LEMD3: variants seen among roughly 807,000 people sequenced by gnomAD.
LEMD3 encodes the protein inner nuclear membrane protein Man1.
In LEMD3, 33 loss-of-function variants were observed where a neutral mutation model predicts 95.2. The observed-to-expected ratio is 0.35, with a 90% confidence interval of 0.26 to 0.46. LEMD3 has a LOEUF of 0.46. Among genes scored for constraint, LEMD3 ranks in the 20% least tolerant of loss-of-function variants. LEMD3 has a pLI of 1.00. For missense variants in LEMD3, 1,210 were observed against 1,192.8 expected, an observed-to-expected ratio of 1.01 and a Z score of -0.21; for synonymous variants, 525 against 474.6, an observed-to-expected ratio of 1.11 and a Z score of -1.38.
chr12:65,213,075 A>G (rs1312021616), intron 2 of LEMD3, among the ~76,000 whole-genome samples: 1 of 148,250 alleles, frequency 6.7e-6, no homozygotes, highest in East Asian at 1.9e-4. Flanking sequence ...TGAGTGACAG[A>G]GCAAGACTGT....
At chr12:65,206,039 C>T (rs76944680) in intron 1 of LEMD3, among the ~76,000 whole-genome samples, 2,702 of 152,202 alleles carry the variant, frequency 0.018, 66 homozygotes, top group Non-Finnish European at 0.022. Context: ...GCCTTGTTCA[C>T]CCTGTCCATT....
chr12:65,212,426 A>G (rs920300918), intron 2 of LEMD3, among the ~76,000 whole-genome samples: 5 of 151,554 alleles, frequency 3.3e-5, no homozygotes, highest in African/African-American at 9.7e-5. Flanking sequence ...AGTCCCAGCT[A>G]CTCGGGAGGC....
chr12:65,213,200 A>G (rs1869997143), intron 2 of LEMD3, among the ~76,000 whole-genome samples: 1 of 152,130 alleles, frequency 6.6e-6, no homozygotes, highest in African/African-American at 2.4e-5. Context: ...CTTCTAGTAT[A>G]TAGACGGTCA....
In LEMD3 at chr12:65,243,487, G is replaced by A. The variant is rs1870995899; in HGVS notation, c.2387+18G>A. 1.5e-6 allele frequency: 2 copies of A among 1,373,650 alleles called. No homozygotes were observed. Among genetic ancestry groups the A allele is most frequent in the Admixed American group, 1.7e-5 (1 of 59,706 alleles). 85.1% of individuals were successfully genotyped at this position (1,373,650 alleles called of 1,614,324 possible). A position where few individuals can be genotyped will look rare whatever the true frequency, so the allele number is the denominator to read the frequency against. On this transcript the variant is annotated intron_variant, in intron 10 of 12. Transcript: ENST00000308330. ...CCCGTTATGTAAGTATTATGATCAG[G>A]GGTACATGTAACTCTTATTCTGAAT...
In LEMD3 at chr12:65,170,785, G is replaced by T; in HGVS notation, c.1189G>T (p.Ala397Ser). Residue 397 changes from alanine to serine, a missense_variant, in exon 1 of 13, where the codon GCC becomes TCC. By Grantham distance (99) the Ala-to-Ser change is moderately conservative (BLOSUM62 1). This residue lies in a region of LEMD3 where 749 missense variants were observed against 622.9 expected (regional missense o/e 1.20). Transcript: ENST00000308330. The stretch of plus-strand genomic sequence containing the variant: ...AACCAATAATCATATTGGCGGTGGG[G>T]CCTTCAGTGTGGACTCCCCCAGGAT... ...LKTNNHIGGG[A>S]FSVDSPRIYS... 1 of 1,614,188 alleles carries T rather than the reference G, an allele frequency of 6.2e-7. No individual in the cohort carries two copies. Among genetic ancestry groups the T allele is most frequent in the Non-Finnish European group, 8.5e-7 (1 of 1,180,042 alleles).
chr12:65,227,307 T>G (rs1275611967), intron 4 of LEMD3, among the ~76,000 whole-genome samples: 1 of 152,208 alleles, frequency 6.6e-6, no homozygotes, highest in East Asian at 1.9e-4. Flanking sequence ...TTTTGTTAGG[T>G]AGTTAAACCT....
Position 65,238,527 on chromosome 12 carries a change from T to C in LEMD3, c.1721T>C (p.Ile574Thr). ...GATTTAGGTCCTGAATATGAAGGTA[T>C]ATTTAACACTTCATTGCAGTGGATC... Reference protein sequence around the residue: ...LKDLGPEYEGIFNTSLQWILE... With the variant: ...LKDLGPEYEGTFNTSLQWILE... The change falls in exon 5 of 13, where the codon ATA becomes ACA. Residue 574 changes from isoleucine to threonine, a missense_variant. Transcript: ENST00000308330. The C allele has an allele frequency of 6.2e-7, 1 of 1,608,280 alleles. No individual in the cohort carries two copies. Among genetic ancestry groups the C allele is most frequent in the South Asian group, 1.1e-5 (1 of 90,962 alleles).
At chr12:65,246,092 A>G in intron 12 of LEMD3, 70 bp from the exon 13 acceptor site, 1 of 1,338,476 alleles carries the variant, frequency 7.5e-7, no homozygotes, top group Middle Eastern at 1.8e-4. Flanking sequence ...TATGTCTTTT[A>G]CCACAGTTAA....
At chr12:65,173,283 C>T (rs1369892155) in intron 1 of LEMD3, among the ~76,000 whole-genome samples, 1 of 152,176 alleles carries the variant, frequency 6.6e-6, no homozygotes, top group Non-Finnish European at 1.5e-5. Context: ...ACTTTCACAT[C>T]TTTCTCATCA....
Position 65,214,400 on chromosome 12 carries a change from A to AAC in LEMD3, c.1561-1576_1561-1575insCA, listed in dbSNP as rs1565791082. Among the ~76,000 whole-genome samples, 3 of 151,934 alleles carry AAC rather than the reference A, an allele frequency of 2.0e-5. No homozygotes were observed. In the South Asian group the frequency reaches 6.2e-4, roughly 32 times the overall value. On this transcript the variant is annotated intron_variant, in intron 2 of 12. Coordinates refer to ENST00000308330, the MANE Select transcript of LEMD3 (RefSeq NM_014319.5). Reference sequence around the variant, plus strand: ...CTGATTAAGATAAAATTGAGGCAAAAATATATATATATACGTAGGAAGGCA... The same window carrying AAC: ...CTGATTAAGATAAAATTGAGGCAAAAACATATATATATATACGTAGGAAGGCA...
chr12:65,235,733 CTG>C lies in LEMD3; in HGVS notation c.1696-2766_1696-2765del, dbSNP rs1057433941. 9.2e-5 allele frequency among the ~76,000 whole-genome samples: 14 copies of C among 152,046 alleles called. 1 individual carries two copies. Among genetic ancestry groups the C allele is most frequent in the Admixed American group, 5.9e-4 (9 of 15,268 alleles). The stretch of plus-strand genomic sequence containing the variant: ...CATGGGGCATCCTGGAACCAATCCT[CTG>C]TGAATACTGAGGTATGACTGTATAT... On this transcript the variant is annotated intron_variant, in intron 4 of 12. Transcript: ENST00000308330.
At chr12:65,191,726 G>A (rs1431146453) in intron 1 of LEMD3, among the ~76,000 whole-genome samples, 1 of 151,970 alleles carries the variant, frequency 6.6e-6, no homozygotes, top group Non-Finnish European at 1.5e-5. Context: ...GCTGAGGCAG[G>A]AAGCAGCCTG....
chr12:65,203,510 T>A (rs769569395), intron 1 of LEMD3, among the ~76,000 whole-genome samples: 1 of 152,186 alleles, frequency 6.6e-6, no homozygotes, highest in Non-Finnish European at 1.5e-5. Flanking sequence ...GAGCAGACAT[T>A]ATATGACTTC....
At chr12:65,217,027 G>A (rs1196935469) in intron 3 of LEMD3, among the ~76,000 whole-genome samples, 1 of 152,174 alleles carries the variant, frequency 6.6e-6, no homozygotes, top group Non-Finnish European at 1.5e-5. Flanking sequence ...TAGGGATATT[G>A]CTAACACAAG....
intron 1 of LEMD3, among the ~76,000 whole-genome samples, chr12:65,194,298 G>A (rs1036318950): frequency 2.0e-5 from 3 of 152,102 alleles, no homozygotes; most frequent in Non-Finnish European, 2.9e-5. Flanking sequence ...ATCAAGAGAG[G>A]GGAATTGCAA....
intron 4 of LEMD3, among the ~76,000 whole-genome samples, chr12:65,222,791 C>T (rs1036606133): frequency 1.3e-5 from 2 of 151,702 alleles, no homozygotes; most frequent in Non-Finnish European, 2.9e-5. Flanking sequence ...GTAAACCTCT[C>T]TCTTGTATTG....
Position 65,169,636 on chromosome 12 carries a change from G to A in LEMD3, c.40G>A (p.Asp14Asn), listed in dbSNP as rs779865961. 4 of 1,589,630 alleles carry A rather than the reference G, an allele frequency of 2.5e-6. No homozygotes were observed. Among genetic ancestry groups the A allele is most frequent in the African/African-American group, 1.3e-5 (1 of 74,660 alleles). Reference protein sequence around the residue: ...AAASAPQQLSDEELFSQLRRY... With the variant: ...AAASAPQQLSNEELFSQLRRY... ...AGCTTCGGCGCCTCAGCAGCTCTCGGATGAGGAGCTTTTCTCTCAGCTCCG... is the reference window on the plus strand; with the variant it reads ...AGCTTCGGCGCCTCAGCAGCTCTCGAATGAGGAGCTTTTCTCTCAGCTCCG... The change falls in exon 1 of 13, where the codon GAT becomes AAT. Residue 14 changes from aspartate (D) to asparagine (N), a missense_variant. Transcript: ENST00000308330.
chr12:65,223,614 G>A (rs1447164112), intron 4 of LEMD3, among the ~76,000 whole-genome samples: 2 of 151,382 alleles, frequency 1.3e-5, no homozygotes, highest in African/African-American at 4.9e-5. Context: ...GTCAGCCTGT[G>A]TGTGTCCTTA....
intron 4 of LEMD3, among the ~76,000 whole-genome samples, chr12:65,237,876 G>A (rs1870816799): frequency 6.6e-6 from 1 of 152,130 alleles, no homozygotes; most frequent in African/African-American, 2.4e-5. Context: ...ATCCAAATCT[G>A]GAAGAGTTTG....
Sources: gnomAD v4.1 joint callset for allele counts (sites outside exome capture counted in the v4.1 genomes callset) on GRCh38, gnomAD v4.1.1 for gene constraint, gnomAD v4.1.1 regional missense constraint, MANE v1.5 for transcripts, NCBI Gene and HGNC (gene_info 2026-07-23, HGNC 2026-07-21) for gene names.